ATP8A1: variants seen among roughly 807,000 people sequenced by gnomAD.
The protein encoded by ATP8A1 is phospholipid-transporting ATPase IA.
Under a neutral mutation model 177.7 loss-of-function variants are expected in ATP8A1, and 90 were observed. That is an observed-to-expected ratio of 0.51 (90% CI 0.43 to 0.60). The LOEUF (loss-of-function observed/expected upper bound fraction) is 0.60, where lower values mean the gene tolerates loss of function less well. Ranked by LOEUF, ATP8A1 falls within the 20% of genes least tolerant of loss-of-function variation. The pLI is 0.00. For missense variants in ATP8A1, 1,072 were observed against 1,392.8 expected (o/e 0.77, Z 3.67); for synonymous variants, 493 against 485.9 (o/e 1.01, Z -0.19).
intron 9 of ATP8A1, among the ~76,000 whole-genome samples, chr4:42,583,532 C>T (rs778020916): frequency 5.5e-4 from 84 of 152,102 alleles, no homozygotes; most frequent in Non-Finnish European, 1.1e-3. Context: ...GTGGATTGAC[C>T]GGAATTAGAC....
In ATP8A1 at chr4:42,517,772, G is replaced by A. The variant is rs191210448; in HGVS notation, c.1947+4388C>T. On this transcript the variant is annotated intron_variant, in intron 22 of 36. Coordinates refer to ENST00000381668, the MANE Select transcript of ATP8A1 (RefSeq NM_006095.2). ...GTCCTGAAAAGCTTACCATATGAAT[G>A]CAAGTATTGGAGCTCAAACAGTACA... Among the ~76,000 whole-genome samples the A allele has an allele frequency of 2.0e-5, 3 of 152,334 alleles. No individual in the cohort carries two copies. In the East Asian group the frequency reaches 5.8e-4, roughly 29 times the overall value.
chr4:42,460,273 A>T (rs1254982550), intron 27 of ATP8A1, among the ~76,000 whole-genome samples: 1 of 152,132 alleles, frequency 6.6e-6, no homozygotes, highest in East Asian at 1.9e-4. Context: ...GGTGAAGCAA[A>T]TATACACCAG....
chr4:42,444,134 C>A (rs935254928), intron 32 of ATP8A1, among the ~76,000 whole-genome samples: 8 of 152,060 alleles, frequency 5.3e-5, no homozygotes, highest in African/African-American at 1.7e-4. Flanking sequence ...GGGGGTACAC[C>A]GCAAAACTAA....
intron 24 of ATP8A1, among the ~76,000 whole-genome samples, chr4:42,497,154 A>G (rs1387270009): frequency 1.3e-5 from 2 of 152,216 alleles, no homozygotes; most frequent in Non-Finnish European, 2.9e-5. Context: ...AAATCAAACA[A>G]AAACAGTTTG....
intron 4 of ATP8A1, among the ~76,000 whole-genome samples, chr4:42,621,353 T>C (rs962716894): frequency 6.6e-6 from 1 of 152,252 alleles, no homozygotes; most frequent in Non-Finnish European, 1.5e-5. Flanking sequence ...TGATCCTCTA[T>C]AGAAAAAGTG....
At chr4:42,514,914 T>C (rs757502305) in intron 22 of ATP8A1, among the ~76,000 whole-genome samples, 1 of 152,210 alleles carries the variant, frequency 6.6e-6, no homozygotes, top group Non-Finnish European at 1.5e-5. Flanking sequence ...ACAAACATTT[T>C]TGAGTATACT....
At chr4:42,550,713 C>T (rs557022290) in intron 18 of ATP8A1, among the ~76,000 whole-genome samples, 1 of 152,338 alleles carries the variant, frequency 6.6e-6, no homozygotes, top group Middle Eastern at 3.4e-3. Flanking sequence ...GGGAGAATCA[C>T]TTGGGTAGGT....
intron 29 of ATP8A1, among the ~76,000 whole-genome samples, chr4:42,453,537 G>A (rs76239830): frequency 2.6e-5 from 4 of 152,254 alleles, no homozygotes; most frequent in East Asian, 1.9e-4. Context: ...TAAAAGATAC[G>A]AGGAATGATG....
At chr4:42,581,103 T>C (rs1490705984) in intron 10 of ATP8A1, among the ~76,000 whole-genome samples, 1 of 152,118 alleles carries the variant, frequency 6.6e-6, no homozygotes. Flanking sequence ...CTGGTGAACC[T>C]TCCAGTATTC....
At position 42,625,647 on chromosome 4, in the gene ATP8A1, A is replaced by G. The variant is rs2109487860; in HGVS notation, c.231T>C (p.Ala77=). Reference sequence around the variant, plus strand: ...GTGCAATAAAGAGAAAAAATGAATTAGCAGCTCTTCTGAACTGAGAGTAGA... The same window carrying G: ...GTGCAATAAAGAGAAAAAATGAATTGGCAGCTCTTCTGAACTGAGAGTAGA... ...RFLYSQFRRA[A]NSFFLFIALL... is the part of the protein sequence containing the mutation. The change falls in exon 3 of 37, where the codon GCT becomes GCC. Residue 77 remains alanine, a synonymous_variant. Transcript: ENST00000381668. 1 of 1,608,640 alleles carries G rather than the reference A, an allele frequency of 6.2e-7. No homozygotes were observed. The highest frequency in any genetic ancestry group is 8.5e-7 in the Non-Finnish European group (1 of 1,177,240).
At chr4:42,429,990 T>C (rs1715087948) in intron 33 of ATP8A1, among the ~76,000 whole-genome samples, 1 of 152,134 alleles carries the variant, frequency 6.6e-6, no homozygotes, top group Admixed American at 6.5e-5. Context: ...GGGGATTGTT[T>C]AACAGGTATG....
In ATP8A1 at chr4:42,409,275, A is replaced by G. The variant is rs1456255457; in HGVS notation, c.*3641T>C. Reference sequence around the variant, plus strand: ...AAAGTAAATCAAGACGAAATATGGAAAACATTTATTTCCTTTCCTTCAAAA... The same window carrying G: ...AAAGTAAATCAAGACGAAATATGGAGAACATTTATTTCCTTTCCTTCAAAA... On this transcript the variant is annotated 3_prime_UTR_variant, in exon 37 of 37. Transcript: ENST00000381668. The G allele has an allele frequency of 6.6e-6, 1 of 152,210 alleles. No individual in the cohort carries two copies. The highest frequency in any genetic ancestry group is 6.5e-5 in the Admixed American group (1 of 15,278). The allele number at this position is 152,210 out of a possible 1,614,324, so 9.4% of individuals were successfully genotyped here. A position where few individuals can be genotyped will look rare whatever the true frequency, so the allele number is the denominator to read the frequency against.
intron 19 of ATP8A1, among the ~76,000 whole-genome samples, chr4:42,546,049 A>T (rs1728883687): frequency 6.6e-6 from 1 of 152,074 alleles, no homozygotes; most frequent in Non-Finnish European, 1.5e-5. Context: ...CATCTCCTCC[A>T]TCTTTTTTCC....
At chr4:42,419,501 C>T (rs1713618760) in intron 35 of ATP8A1, among the ~76,000 whole-genome samples, 1 of 152,062 alleles carries the variant, frequency 6.6e-6, no homozygotes, top group Non-Finnish European at 1.5e-5. Context: ...TGAATGCAAA[C>T]AGCTGAAAAA....
intron 25 of ATP8A1, among the ~76,000 whole-genome samples, chr4:42,465,937 C>T (rs1451207418): frequency 6.9e-6 from 1 of 145,212 alleles, no homozygotes; most frequent in African/African-American, 2.6e-5. Context: ...GAGGCTGAGG[C>T]AGGAGAATGG....
At chr4:42,651,805 C>T (rs1163537741) in intron 1 of ATP8A1, among the ~76,000 whole-genome samples, 1 of 152,222 alleles carries the variant, frequency 6.6e-6, no homozygotes, top group Non-Finnish European at 1.5e-5. Context: ...GAGCCAACAT[C>T]CCTTATGACT....
At chr4:42,575,900 A>C (rs1325484564) in intron 12 of ATP8A1, among the ~76,000 whole-genome samples, 1 of 152,232 alleles carries the variant, frequency 6.6e-6, no homozygotes, top group Non-Finnish European at 1.5e-5. Context: ...TATATTCCAC[A>C]GTAAGGGCAG....
chr4:42,436,708 A>T (rs966517066), intron 33 of ATP8A1, among the ~76,000 whole-genome samples: 1 of 152,184 alleles, frequency 6.6e-6, no homozygotes, highest in Non-Finnish European at 1.5e-5. Flanking sequence ...TACTTGGCTA[A>T]ACACAGTAAT....
chr4:42,421,952 GT>G lies in ATP8A1; in HGVS notation c.3305+854del, dbSNP rs778884485. Among the ~76,000 whole-genome samples, 47 of 151,830 alleles carry G rather than the reference GT, an allele frequency of 3.1e-4. No individual in the cohort carries two copies. The East Asian group carries it at 7.7e-3, about 25-fold the overall frequency. On this transcript the variant is annotated intron_variant, in intron 35 of 36. Transcript: ENST00000381668. ...AACTTTCCTTTTTTTTTTGGAGGGG[GT>G]GGTGTAAGGAAGAGAACTTGGGATA...
Sources: gnomAD v4.1 joint callset for allele counts (sites outside exome capture counted in the v4.1 genomes callset) on GRCh38, gnomAD v4.1.1 for gene constraint, MANE v1.5 for transcripts, NCBI Gene and HGNC (gene_info 2026-07-23, HGNC 2026-07-21) for gene names.